PCSK1: variants seen among roughly 807,000 people sequenced by gnomAD.
PCSK1 encodes proprotein convertase subtilisin/kexin type 1.
Under a neutral mutation model 90.6 loss-of-function variants are expected in PCSK1, and 56 were observed. The observed-to-expected ratio is 0.62, with a 90% CI of 0.50 to 0.77. The LOEUF (loss-of-function observed/expected upper bound fraction) is 0.77, where lower values mean the gene tolerates loss of function less well. PCSK1 is among the 30% of genes least tolerant of loss of function. PCSK1 has a pLI of 0.00. For synonymous variants in PCSK1, 348 were observed against 342.4 expected (o/e 1.02, Z -0.18); for missense variants, 801 against 932.6 (o/e 0.86, Z 1.84).
At chr5:96,425,727 A>AT (rs1761285318) in intron 3 of PCSK1, 93 bp downstream of exon 3, 1 of 658,980 alleles carries the variant, frequency 1.5e-6, no homozygotes, top group Admixed American at 2.3e-5. Flanking sequence ...ATTCTCCATC[A>AT]TAAAAAAAAA....
At chr5:96,405,993 T>C (rs1200729659) in intron 9 of PCSK1, among the ~76,000 whole-genome samples, 2 of 152,168 alleles carry the variant, frequency 1.3e-5, no homozygotes, top group Non-Finnish European at 2.9e-5. Flanking sequence ...AAATCTTAAA[T>C]ATAATAAGTC....
At chr5:96,394,821 C>T (rs1337104565) in intron 13 of PCSK1, 43 bp downstream of exon 13, 7 of 1,592,396 alleles carry the variant, frequency 4.4e-6, no homozygotes, top group African/African-American at 1.3e-5. Context: ...CATTGTCTAC[C>T]CCAGTTCAAA....
chr5:96,394,488 G>C (rs767534017), intron 13 of PCSK1, among the ~76,000 whole-genome samples: 1 of 152,128 alleles, frequency 6.6e-6, no homozygotes, highest in Non-Finnish European at 1.5e-5. Context: ...TCCTTCCTAG[G>C]TTATAGGGAT....
intron 3 of PCSK1, 124 bp downstream of exon 3, chr5:96,425,696 G>C (rs1761284404): frequency 1.5e-6 from 1 of 683,376 alleles, no homozygotes; most frequent in Admixed American, 2.2e-5. Flanking sequence ...CTAATCTCCA[G>C]ACAATATAGC....
chr5:96,407,743 C>T (rs1284015551), intron 9 of PCSK1, among the ~76,000 whole-genome samples: 1 of 152,132 alleles, frequency 6.6e-6, no homozygotes, highest in Non-Finnish European at 1.5e-5. Flanking sequence ...TCTCATGTCC[C>T]CTGATGTGGT....
Position 96,395,025 on chromosome 5 carries a change from A to G in PCSK1, c.1723T>C (p.Ser575Pro). The change falls in exon 13 of 14, where the codon TCT (serine) becomes CCT (proline). Residue 575 changes from serine (S) to proline (P), a missense_variant and splice_region_variant. Coordinates refer to ENST00000311106, the MANE Select transcript of PCSK1 (RefSeq NM_000439.5). ...GTWTLRITDMSGRIQNEGRIV... is the reference protein window; with the variant it reads ...GTWTLRITDMPGRIQNEGRIV... ...CTTCCTTCATTTTGAATTCTTCCAG[A>G]CTAACAAATAAGCATACCTACATTT... is the stretch of plus-strand genomic sequence containing the variant. The G allele has an allele frequency of 1.2e-6, 2 of 1,610,644 alleles. No homozygotes were observed. Among genetic ancestry groups the G allele is most frequent in the Non-Finnish European group, 1.7e-6 (2 of 1,176,762 alleles).
At chr5:96,402,588 A>G (rs567306700) in intron 9 of PCSK1, among the ~76,000 whole-genome samples, 3 of 152,256 alleles carry the variant, frequency 2.0e-5, no homozygotes, top group East Asian at 3.9e-4. Context: ...GGGCTCCCTC[A>G]GCAGTGAGAT....
chr5:96,420,732 TAAGG>T (rs1761097891), intron 5 of PCSK1, among the ~76,000 whole-genome samples: 1 of 95,992 alleles, frequency 1.0e-5, no homozygotes, highest in African/African-American at 4.2e-5. Flanking sequence ...TGAGGGAGAA[TAAGG>T]AAGGGAGGGA....
chr5:96,411,057 C>T (rs1230524799), intron 7 of PCSK1, 71 bp from the exon 8 acceptor site: 1 of 1,055,316 alleles, frequency 9.5e-7, no homozygotes, highest in East Asian at 2.4e-5. Context: ...CCAATAAAAT[C>T]CCCAACGACT....
chr5:96,411,221 A>G (rs1760743806), intron 7 of PCSK1, among the ~76,000 whole-genome samples: 1 of 152,210 alleles, frequency 6.6e-6, no homozygotes, highest in Non-Finnish European at 1.5e-5. Flanking sequence ...AGGGCTGAGC[A>G]CACGCTTTTC....
chr5:96,398,425 C>A (rs562572248), intron 11 of PCSK1, among the ~76,000 whole-genome samples: 2 of 152,186 alleles, frequency 1.3e-5, no homozygotes, highest in Non-Finnish European at 2.9e-5. Flanking sequence ...TATAAAATGG[C>A]CTTATTCATG....
At chr5:96,430,894 G>T (rs1255371421) in intron 1 of PCSK1, among the ~76,000 whole-genome samples, 2 of 152,088 alleles carry the variant, frequency 1.3e-5, no homozygotes, top group Admixed American at 6.5e-5. Flanking sequence ...ATGATGTATT[G>T]TTTTTTACTA....
intron 6 of PCSK1, among the ~76,000 whole-genome samples, chr5:96,415,357 C>T (rs745532688): frequency 5.3e-5 from 8 of 152,184 alleles, no homozygotes; most frequent in Non-Finnish European, 1.2e-4. Context: ...CTCCTGTGAC[C>T]ACAGCTTTCC....
chr5:96,429,444 TA>T (rs1761421752), intron 1 of PCSK1, 127 bp from the exon 2 acceptor site: 17 of 637,434 alleles, frequency 2.7e-5, no homozygotes, highest in Admixed American at 8.3e-5. Flanking sequence ...CTGAAATTAA[TA>T]TTTTTTTTCT....
At position 96,391,961 on chromosome 5, in the gene PCSK1, CTT is replaced by C. The variant is rs1759959079; in HGVS notation, c.*1038_*1039del. 6.6e-6 allele frequency: 1 copy of C among 152,060 alleles called. No homozygotes were observed. Among genetic ancestry groups the C allele is most frequent in the Non-Finnish European group, 1.5e-5 (1 of 68,008 alleles). The allele number at this position is 152,060 out of a possible 1,614,324, so 9.4% of individuals were successfully genotyped here. ...TATCAGTGATAGGATTGGAGAAGAACTTTTAGTATCAAGGAATAAACATTCAG... is the reference window on the plus strand; with the variant it reads ...TATCAGTGATAGGATTGGAGAAGAACTTAGTATCAAGGAATAAACATTCAG... On this transcript the variant is annotated 3_prime_UTR_variant, in exon 14 of 14. Coordinates refer to ENST00000311106, the MANE Select transcript of PCSK1 (RefSeq NM_000439.5).
intron 5 of PCSK1, among the ~76,000 whole-genome samples, chr5:96,419,310 G>GATATAT (rs757569748): frequency 1.4e-5 from 2 of 142,198 alleles, no homozygotes; most frequent in African/African-American, 2.6e-5. Context: ...TATTAAGTGA[G>GATATAT]ATATATATAT....
In PCSK1 at chr5:96,421,922, T is replaced by C. The variant is rs759379849; in HGVS notation, c.578A>G (p.Asp193Gly). The change falls in exon 5 of 14, where the codon GAC becomes GGC. Residue 193 changes from aspartate (D) to glycine (G), a missense_variant. Coordinates refer to ENST00000311106, the MANE Select transcript of PCSK1 (RefSeq NM_000439.5). ...PEASYDFNDN[D>G]HDPFPRYDPT... ...ATCATATCGGGGAAATGGATCATGG[T>C]CATTATCATTAAAATCATAGCTAGC... 2.5e-6 allele frequency: 4 copies of C among 1,584,732 alleles called. No individual in the cohort carries two copies. In the Admixed American group the frequency reaches 5.0e-5, roughly 20 times the overall value.
At chr5:96,429,174 G>A (rs1408602095) in intron 2 of PCSK1, 39 bp downstream of exon 2, 4 of 1,013,270 alleles carry the variant, frequency 3.9e-6, no homozygotes, top group South Asian at 3.9e-5. Flanking sequence ...AAGCAGATAA[G>A]CTAGAGTATT....
At chr5:96,427,391 G>T (rs547809748) in intron 2 of PCSK1, among the ~76,000 whole-genome samples, 1 of 152,262 alleles carries the variant, frequency 6.6e-6, no homozygotes. Flanking sequence ...TGCATTATAG[G>T]TATCATGTAC....
Sources: allele counts gnomAD v4.1 joint callset (sites outside exome capture counted in the v4.1 genomes callset), GRCh38; gene constraint gnomAD v4.1.1; transcripts MANE v1.5; gene names NCBI Gene and HGNC (gene_info 2026-07-23, HGNC 2026-07-21).